The following CEP192 variants were observed in gnomAD, a reference collection of about 807,000 sequenced individuals.
The protein encoded by CEP192 is centrosomal protein 192.
Under a neutral mutation model 271.8 loss-of-function variants are expected in CEP192, and 151 were observed. The ratio of observed to expected loss-of-function variants is 0.56; its 90% CI spans 0.49 to 0.64. The LOEUF is 0.64. Among genes scored for constraint, CEP192 ranks in the 30% least tolerant of loss-of-function variants. CEP192 has a pLI of 0.00. For missense variants in CEP192, 2,910 were observed against 3,020.5 expected (o/e 0.96, Z 0.86); for synonymous variants, 995 against 1,076.5 (o/e 0.92, Z 1.48).
At chr18:13,036,774 A>T (rs1568315430) in intron 11 of CEP192, among the ~76,000 whole-genome samples, 7 of 152,224 alleles carry the variant, frequency 4.6e-5, no homozygotes, top group Non-Finnish European at 1.0e-4. Context: ...GGCAGACATT[A>T]GGGGACTCCC....
At position 13,068,430 on chromosome 18, in the gene CEP192, G is replaced by A; in HGVS notation, c.4822+8G>A. On this transcript the variant is annotated splice_region_variant and intron_variant, in intron 24 of 44. Transcript: ENST00000506447. ...AACAGATCAGCTCTTCAGGTATCAT[G>A]TTTACACTGTGTGGGAATTGCTTTA... The A allele has an allele frequency of 6.3e-7, 1 of 1,594,096 alleles. No homozygotes were observed. Among genetic ancestry groups the A allele is most frequent in the Non-Finnish European group, 8.6e-7 (1 of 1,165,116 alleles).
intron 13 of CEP192, 85 bp from the exon 14 acceptor site, chr18:13,040,745 T>A: frequency 9.1e-7 from 1 of 1,094,752 alleles, no homozygotes; most frequent in Non-Finnish European, 1.3e-6. Context: ...CATTTAGCTG[T>A]TTTACCACTA....
At chr18:13,101,116 C>T (rs1405841010) in intron 38 of CEP192, among the ~76,000 whole-genome samples, 1 of 152,148 alleles carries the variant, frequency 6.6e-6, no homozygotes, top group Non-Finnish European at 1.5e-5. Context: ...GTGCTGCACC[C>T]TCTTGTGATT....
chr18:13,031,526 C>T (rs150200687), intron 11 of CEP192, among the ~76,000 whole-genome samples: 5,272 of 152,228 alleles, frequency 0.035, 104 homozygotes, highest in Middle Eastern at 0.11. Flanking sequence ...GGATTACAGG[C>T]GTGAGCCACC....
At chr18:13,018,892 G>A (rs1177182647) in intron 8 of CEP192, among the ~76,000 whole-genome samples, 190 bp from the exon 9 acceptor site, 2 of 152,082 alleles carry the variant, frequency 1.3e-5, no homozygotes, top group Non-Finnish European at 2.9e-5. Flanking sequence ...TTTGGGTATG[G>A]TAGCAGTTTA....
At chr18:13,104,590 C>G (rs2144943783) in intron 39 of CEP192, among the ~76,000 whole-genome samples, 1 of 152,194 alleles carries the variant, frequency 6.6e-6, no homozygotes, top group East Asian at 1.9e-4. Context: ...CCAGCCTAGG[C>G]AACAGAGTCA....
At chr18:13,008,963 C>G (rs927374873) in intron 4 of CEP192, among the ~76,000 whole-genome samples, 1 of 151,350 alleles carries the variant, frequency 6.6e-6, no homozygotes, top group Non-Finnish European at 1.5e-5. Flanking sequence ...TGTGCCTTGG[C>G]CTGCCAGAAT....
At position 13,114,244 on chromosome 18, in the gene CEP192, A is replaced by T; in HGVS notation, c.7282A>T (p.Ile2428Leu). 6.2e-7 allele frequency: 1 copy of T among 1,612,260 alleles called. No homozygotes were observed. Among genetic ancestry groups the T allele is most frequent in the Non-Finnish European group, 8.5e-7 (1 of 1,179,598 alleles). The change falls in exon 42 of 45, where the codon ATA (isoleucine) becomes TTA (leucine). Residue 2428 changes from isoleucine (I) to leucine (L), a missense_variant. Transcript: ENST00000506447. ...AGCTGTGTCAGAGGCTTCTGCTCGC[A>T]TACCTGAGTATGTTGTTTTTGTCAT... is the stretch of plus-strand genomic sequence containing the variant. The part of the protein sequence containing the change: ...RQAVSEASAR[I>L]PEQLDVTARG...
chr18:13,084,385 G>C (rs570695577), intron 30 of CEP192, among the ~76,000 whole-genome samples: 5,467 of 152,282 alleles, frequency 0.036, 302 homozygotes, highest in African/African-American at 0.12. Context: ...TCAGACTGCT[G>C]TGTTAGCAGT....
At chr18:13,031,877 C>T (rs1265811345) in intron 11 of CEP192, among the ~76,000 whole-genome samples, 1 of 152,098 alleles carries the variant, frequency 6.6e-6, no homozygotes, top group Non-Finnish European at 1.5e-5. Flanking sequence ...TGAGAAATTT[C>T]AAATGGAGAG....
In CEP192 at chr18:13,052,910, C is replaced by T. The variant is rs374870846; in HGVS notation, c.3018-9C>T. The T allele has an allele frequency of 3.8e-6, 6 of 1,573,572 alleles. No homozygotes were observed. In the African/African-American group the frequency reaches 8.1e-5, roughly 21 times the overall value. On this transcript the variant is annotated splice_polypyrimidine_tract_variant and intron_variant, in intron 17 of 44. Transcript: ENST00000506447. ...AGAACTCCAGGTGTGAGCTACTCTT[C>T]TCTTTCAGGTGTGCGTTAGAGTCCT...
chr18:13,030,151 A>G, intron 10 of CEP192, 149 bp downstream of exon 10: 1 of 691,992 alleles, frequency 1.4e-6, no homozygotes, highest in Non-Finnish European at 2.4e-6. Context: ...CTACTTGTAC[A>G]GGGAGGATTG....
At chr18:13,031,349 G>A (rs988756567) in intron 11 of CEP192, among the ~76,000 whole-genome samples, 6 of 144,810 alleles carry the variant, frequency 4.1e-5, no homozygotes, top group African/African-American at 1.5e-4. Context: ...CCGGGTTCAC[G>A]CCATTCTCCT....
chr18:13,060,059 A>ATC (rs1293774872), intron 21 of CEP192, among the ~76,000 whole-genome samples: 1 of 152,222 alleles, frequency 6.6e-6, no homozygotes, highest in Non-Finnish European at 1.5e-5. Context: ...AGGTCTTGAT[A>ATC]CAGTCCTGAG....
intron 38 of CEP192, 100 bp from the exon 39 acceptor site, chr18:13,103,409 G>T (rs1254661341): frequency 3.4e-5 from 28 of 829,560 alleles, no homozygotes; most frequent in Non-Finnish European, 4.9e-5. Flanking sequence ...TAATGATTGG[G>T]GTTTTTTAAC....
chr18:13,056,062 A>G lies in CEP192; in HGVS notation c.3472A>G (p.Asn1158Asp), dbSNP rs1302154514. The G allele has an allele frequency of 6.2e-7, 1 of 1,614,058 alleles. No homozygotes were observed. The highest frequency in any genetic ancestry group is 1.3e-5 in the African/African-American group (1 of 74,932). Residue 1158 changes from asparagine (N) to aspartate (D), a missense_variant, in exon 19 of 45, where the codon AAC becomes GAC. Asn to Asp is a conservative substitution (Grantham distance 23). Transcript: ENST00000506447. The stretch of plus-strand genomic sequence containing the variant: ...AACCAGTGAGGTAGGTTGGACATCA[A>G]ACCCTGAGGAATTGGACCCGATCAG... ...LETSEVGWTS[N>D]PEELDPIRLA...
chr18:13,039,976 A>G (rs937324219), intron 13 of CEP192, among the ~76,000 whole-genome samples: 6 of 152,180 alleles, frequency 3.9e-5, no homozygotes, highest in Non-Finnish European at 5.9e-5. Context: ...CACAGAGGGT[A>G]TTAGGGTTAT....
At chr18:13,045,746 T>C (rs2036440040) in intron 15 of CEP192, among the ~76,000 whole-genome samples, 1 of 152,232 alleles carries the variant, frequency 6.6e-6, no homozygotes. Flanking sequence ...TAAAATTGTT[T>C]TGGTGCATAA....
At chr18:13,062,428 C>G (rs2037456087) in intron 21 of CEP192, among the ~76,000 whole-genome samples, 1 of 151,994 alleles carries the variant, frequency 6.6e-6, no homozygotes, top group Non-Finnish European at 1.5e-5. Flanking sequence ...GTATATGCAC[C>G]TTTATTTTGG....
Sources: allele counts gnomAD v4.1 joint callset (sites outside exome capture counted in the v4.1 genomes callset), GRCh38; gene constraint gnomAD v4.1.1; transcripts MANE v1.5; gene names NCBI Gene and HGNC (gene_info 2026-07-23, HGNC 2026-07-21).